Variants in ARHGAP44 observed in about 807,000 individuals in gnomAD.
ARHGAP44 encodes rho GTPase-activating protein 44.
Under a neutral mutation model 106.8 loss-of-function variants are expected in ARHGAP44, and 43 were observed. The observed-to-expected ratio is 0.40, with a 90% CI of 0.32 to 0.52. The LOEUF (loss-of-function observed/expected upper bound fraction) is 0.52. Ranked by LOEUF, ARHGAP44 falls within the 20% of genes least tolerant of loss-of-function variation. The pLI is 0.48. For missense variants in ARHGAP44, 866 were observed against 1,050.5 expected (o/e 0.82, Z 2.43); for synonymous variants, 439 against 410.3 (o/e 1.07, Z -0.85).
intron 16 of ARHGAP44, among the ~76,000 whole-genome samples, chr17:12,963,046 CAA>C (rs71369355): frequency 0.044 from 3,094 of 70,274 alleles, 50 homozygotes; most frequent in East Asian, 0.4. Context: ...AACACCATCT[CAA>C]AAAAAAAAAA....
Position 12,847,510 on chromosome 17 carries a change from C to CTTT in ARHGAP44, c.54-47429_54-47428insTTT, listed in dbSNP as rs201835763. Among the ~76,000 whole-genome samples the CTTT allele has an allele frequency of 3.2e-3, 429 of 133,526 alleles. 17 individuals are homozygous for CTTT. Among genetic ancestry groups the CTTT allele is most frequent in the African/African-American group, 0.011 (325 of 30,192 alleles). The allele number at this position is 133,526 out of a possible 152,430, so 87.6% of individuals were successfully genotyped here. Reference sequence around the variant, plus strand: ...TACACCTTCCTTCAAGCTACCATCACTCTTTTTTTTTTTTTTTTTTTGAGA... The same window carrying CTTT: ...TACACCTTCCTTCAAGCTACCATCACTTTTCTTTTTTTTTTTTTTTTTTTGAGA... On this transcript the variant is annotated intron_variant, in intron 1 of 20. Coordinates refer to ENST00000379672, the MANE Select transcript of ARHGAP44 (RefSeq NM_014859.6).
intron 20 of ARHGAP44, among the ~76,000 whole-genome samples, chr17:12,989,122 A>AAAT (rs1451670168): frequency 6.8e-6 from 1 of 148,146 alleles, no homozygotes; most frequent in African/African-American, 2.5e-5. Context: ...AAAAAAAAAA[A>AAAT]AAACTAAGCA....
At chr17:12,915,536 T>C (rs989276961) in intron 4 of ARHGAP44, among the ~76,000 whole-genome samples, 1 of 152,180 alleles carries the variant, frequency 6.6e-6, no homozygotes, top group African/African-American at 2.4e-5. Context: ...CCTATTGAAA[T>C]TGAGCTTTTG....
intron 1 of ARHGAP44, among the ~76,000 whole-genome samples, chr17:12,870,733 A>G (rs953513244): frequency 1.3e-5 from 2 of 152,096 alleles, no homozygotes; most frequent in South Asian, 2.1e-4. Flanking sequence ...TTTACACACT[A>G]TTTACTTCCT....
intron 4 of ARHGAP44, among the ~76,000 whole-genome samples, chr17:12,912,729 A>G (rs2037776768): frequency 1.3e-5 from 2 of 152,242 alleles, no homozygotes; most frequent in Admixed American, 6.5e-5. Context: ...GAGCAAAAGC[A>G]GCAATGGAAG....
intron 18 of ARHGAP44, among the ~76,000 whole-genome samples, chr17:12,977,780 C>T (rs1039631917): frequency 6.6e-6 from 1 of 152,104 alleles, no homozygotes; most frequent in Non-Finnish European, 1.5e-5. Flanking sequence ...TAGCTCACGC[C>T]TGCAATCCCA....
In ARHGAP44 at chr17:12,984,826, A is replaced by C. The variant is rs769452778; in HGVS notation, c.2235A>C (p.Thr745=). ...CTCTGCCGCCTCCTCAGCCTCCCAC[A>C]GTAAACCTCTCGGCCTCTAGTCCAC... is the stretch of plus-strand genomic sequence containing the variant. The part of the protein sequence containing the change: ...RPTLPPPQPP[T]VNLSASSPQS... The change falls in exon 20 of 21, where the codon ACA becomes ACC. Residue 745 remains threonine (T), a synonymous_variant. Coordinates refer to ENST00000379672, the MANE Select transcript of ARHGAP44 (RefSeq NM_014859.6). The C allele has an allele frequency of 1.2e-6, 2 of 1,613,960 alleles. No individual in the cohort carries two copies. Among genetic ancestry groups the C allele is most frequent in the Non-Finnish European group, 1.7e-6 (2 of 1,179,896 alleles).
At chr17:12,924,622 C>T (rs79795700) in intron 6 of ARHGAP44, among the ~76,000 whole-genome samples, 6,876 of 152,198 alleles carry the variant, frequency 0.045, 249 homozygotes, top group Admixed American at 0.089. Context: ...GCGACTGTAT[C>T]TGGAGATAGG....
At chr17:12,967,257 T>TC (rs1373829185) in intron 16 of ARHGAP44, among the ~76,000 whole-genome samples, 1 of 75,840 alleles carries the variant, frequency 1.3e-5, no homozygotes, top group East Asian at 2.8e-4. Context: ...TGCTTTTTTT[T>TC]TTTTTTTTTT....
Position 12,835,505 on chromosome 17 carries a change from T to A in ARHGAP44, c.53+45614T>A, listed in dbSNP as rs552963964. Among the ~76,000 whole-genome samples, 5 of 152,334 alleles carry A rather than the reference T, an allele frequency of 3.3e-5. No homozygotes were observed. In the South Asian group the frequency reaches 6.2e-4, roughly 19 times the overall value. ...GTTTGTCTTCTGAGAACAGTAATCTTCTGACTTAAAAAGATAAAATGAGTA... is the reference window on the plus strand; with the variant it reads ...GTTTGTCTTCTGAGAACAGTAATCTACTGACTTAAAAAGATAAAATGAGTA... On this transcript the variant is annotated intron_variant, in intron 1 of 20. Transcript: ENST00000379672.
Position 12,833,685 on chromosome 17 carries a change from A to G in ARHGAP44, c.53+43794A>G, listed in dbSNP as rs151298845. 8.3e-3 allele frequency among the ~76,000 whole-genome samples: 1,268 copies of G among 152,246 alleles called. 17 individuals are homozygous for G. The highest frequency in any genetic ancestry group is 0.028 in the African/African-American group (1,152 of 41,536). ...GTGTCCCTAAGGTGATCAGGCCACA[A>G]CTTGGTTTTATACATTTTAGGGAGA... On this transcript the variant is annotated intron_variant, in intron 1 of 20. Coordinates refer to ENST00000379672, the MANE Select transcript of ARHGAP44 (RefSeq NM_014859.6).
chr17:12,939,756 A>T lies in ARHGAP44; in HGVS notation c.583-1300A>T, dbSNP rs554327039. On this transcript the variant is annotated intron_variant, in intron 7 of 20. Transcript: ENST00000379672. ...GCTGGGATTACAGGCGTGAGCCACC[A>T]CGCCCGGCCAATGAATCTTAACTTC... Among the ~76,000 whole-genome samples, 5 of 152,250 alleles carry T rather than the reference A, an allele frequency of 3.3e-5. No individual in the cohort carries two copies. The East Asian group carries it at 9.7e-4, about 30-fold the overall frequency.
chr17:12,897,868 T>C (rs1295482105), intron 3 of ARHGAP44, among the ~76,000 whole-genome samples: 1 of 152,070 alleles, frequency 6.6e-6, no homozygotes, highest in Non-Finnish European at 1.5e-5. Context: ...CTAACATTAT[T>C]TTTCTGGGAT....
At chr17:12,989,940 TGCCTCC>T in intron 20 of ARHGAP44, 86 bp from the exon 21 acceptor site, 1 of 1,530,660 alleles carries the variant, frequency 6.5e-7, no homozygotes, top group Non-Finnish European at 8.9e-7. Flanking sequence ...GCAGCACCCC[TGCCTCC>T]TAAGGCTGAC....
chr17:12,839,323 A>G (rs2035328536), intron 1 of ARHGAP44, among the ~76,000 whole-genome samples: 1 of 152,152 alleles, frequency 6.6e-6, no homozygotes, highest in African/African-American at 2.4e-5. Flanking sequence ...TCGCTCTTCC[A>G]AGGGAAACTT....
rs144266558 is a variant in ARHGAP44 at position 12,854,388 on chromosome 17, AT to A, written c.54-40547del. 6.0e-3 allele frequency among the ~76,000 whole-genome samples: 916 copies of A among 152,194 alleles called. 8 individuals carry two copies. The highest frequency in any genetic ancestry group is 0.021 in the African/African-American group (874 of 41,514). On this transcript the variant is annotated intron_variant, in intron 1 of 20. Coordinates refer to ENST00000379672, the MANE Select transcript of ARHGAP44 (RefSeq NM_014859.6). ...TATCATATAGAGAGAGTTTCTAACC[AT>A]TTTTCCCCCCTTTGACAATATTATG...
At chr17:12,861,704 G>A (rs1377219260) in intron 1 of ARHGAP44, among the ~76,000 whole-genome samples, 4 of 130,208 alleles carry the variant, frequency 3.1e-5, no homozygotes, top group South Asian at 2.6e-4. Context: ...GCGCAATCTC[G>A]GCTCACTGCA....
At chr17:12,804,020 G>GCT (rs1377250831) in intron 1 of ARHGAP44, among the ~76,000 whole-genome samples, 1 of 152,200 alleles carries the variant, frequency 6.6e-6, no homozygotes, top group Non-Finnish European at 1.5e-5. Context: ...ATTCCAGGAT[G>GCT]ATAGGGCATC....
chr17:12,852,276 G>GTTT, intron 1 of ARHGAP44, among the ~76,000 whole-genome samples: 1 of 115,630 alleles, frequency 8.6e-6, no homozygotes, highest in South Asian at 3.4e-4. Flanking sequence ...CACTTTTGAA[G>GTTT]CTTTTTTTTT....
Sources: allele counts gnomAD v4.1 joint callset (sites outside exome capture counted in the v4.1 genomes callset), GRCh38; gene constraint gnomAD v4.1.1; transcripts MANE v1.5; gene names NCBI Gene and HGNC (gene_info 2026-07-23, HGNC 2026-07-21).